RARB: variants seen among roughly 807,000 people sequenced by gnomAD.
RARB encodes the protein HBV-activated protein.
Under a neutral mutation model 51.9 loss-of-function variants are expected in RARB, and 17 were observed. That is an observed-to-expected ratio of 0.33 (90% CI 0.22 to 0.49). The LOEUF (loss-of-function observed/expected upper bound fraction) is 0.49, where lower values mean the gene tolerates loss of function less well. RARB is among the 20% of genes least tolerant of loss of function. The pLI is 0.99. For synonymous variants in RARB, 215 were observed against 195.4 expected (o/e 1.10, Z -0.84); for missense variants, 369 against 550.8 (o/e 0.67, Z 3.30).
chr3:25,087,226 A>G (rs1028761937), intron 3 of RARB, among the ~76,000 whole-genome samples: 1 of 152,136 alleles, frequency 6.6e-6, no homozygotes, highest in African/African-American at 2.4e-5. Context: ...CTGACCACCT[A>G]TTCCTTTCAT....
At chr3:24,831,711 C>A (rs1293705817) in intron 1 of RARB, among the ~76,000 whole-genome samples, 1 of 151,726 alleles carries the variant, frequency 6.6e-6, no homozygotes, top group Non-Finnish European at 1.5e-5. Flanking sequence ...GGGTTAGAAA[C>A]TGTTGCAAAT....
At chr3:25,462,541 G>C (rs1399769318) in intron 2 of RARB, 1 of 152,150 alleles carries the variant, frequency 6.6e-6, no homozygotes, top group African/African-American at 2.4e-5. Flanking sequence ...TTTATATTTG[G>C]CTTAGCAGAG....
chr3:24,900,432 A>G (rs1265631871), intron 2 of RARB, among the ~76,000 whole-genome samples: 1 of 152,218 alleles, frequency 6.6e-6, no homozygotes, highest in African/African-American at 2.4e-5. Context: ...TCATTCCCTT[A>G]ATGAACCTTT....
At chr3:25,534,845 T>A (rs1246626548) in intron 3 of RARB, among the ~76,000 whole-genome samples, 1 of 152,144 alleles carries the variant, frequency 6.6e-6, no homozygotes, top group Non-Finnish European at 1.5e-5. Flanking sequence ...CTGGAAGAAG[T>A]TCCAGCTTCT....
chr3:25,567,533 C>G (rs903767154), intron 3 of RARB, among the ~76,000 whole-genome samples: 1 of 152,198 alleles, frequency 6.6e-6, no homozygotes, highest in Admixed American at 6.5e-5. Context: ...CTAGATTCCA[C>G]TTCCCCGTCA....
intron 5 of RARB, among the ~76,000 whole-genome samples, chr3:25,258,534 C>G (rs1025460185): frequency 4.6e-5 from 7 of 152,024 alleles, no homozygotes; most frequent in Non-Finnish European, 8.8e-5. Flanking sequence ...TGGTCCTCAG[C>G]CCAGGGGAGT....
chr3:25,061,438 C>A (rs1042376448), intron 3 of RARB, among the ~76,000 whole-genome samples: 2 of 151,758 alleles, frequency 1.3e-5, no homozygotes, highest in African/African-American at 4.8e-5. Flanking sequence ...AACAGAATTT[C>A]TATAGCAGTT....
At chr3:25,576,008 A>G (rs1700912541) in intron 4 of RARB, among the ~76,000 whole-genome samples, 1 of 152,132 alleles carries the variant, frequency 6.6e-6, no homozygotes, top group South Asian at 2.1e-4. Context: ...TGATCTTTTG[A>G]AGAAAAATGT....
chr3:25,428,864 T>C lies in RARB; in HGVS notation c.133T>C (p.Trp45Arg). ...CTTCAGTGGATTGACCCAAACCGAA[T>C]GGCAGCATCGGCACACTGCTCAATG... Reference protein sequence around the residue: ...ACFSGLTQTEWQHRHTAQSIE... With the variant: ...ACFSGLTQTERQHRHTAQSIE... The change falls in exon 1 of 8, where the codon TGG (tryptophan) becomes CGG (arginine). Residue 45 changes from tryptophan (W) to arginine (R), a missense_variant. Around this residue, in one of 9 missense-constraint regions of RARB, gnomAD observed 99 missense variants for 95.1 expected, o/e 1.04. Transcript: ENST00000330688. 6.2e-7 allele frequency: 1 copy of C among 1,613,040 alleles called. No homozygotes were observed. The highest frequency in any genetic ancestry group is 8.5e-7 in the Non-Finnish European group (1 of 1,179,098).
intron 2 of RARB, among the ~76,000 whole-genome samples, chr3:25,485,877 A>G (rs13072006): frequency 0.47 from 71,968 of 151,862 alleles, 18,643 homozygotes; most frequent in South Asian, 0.63. Context: ...TTCTGGGGAT[A>G]ATTGCTGGAA....
At chr3:25,555,359 G>A (rs1003390519) in intron 3 of RARB, among the ~76,000 whole-genome samples, 11 of 152,064 alleles carry the variant, frequency 7.2e-5, no homozygotes, top group Admixed American at 2.0e-4. Flanking sequence ...TCTTCCCTGC[G>A]TTGTTTTTCT....
At chr3:25,395,488 A>G (rs1707088990) in intron 5 of RARB, among the ~76,000 whole-genome samples, 3 of 152,194 alleles carry the variant, frequency 2.0e-5, no homozygotes, top group South Asian at 2.1e-4. Context: ...TATTCCCTCA[A>G]AGAAGTTTTC....
Position 25,430,054 on chromosome 3 carries a change from C to G in RARB, c.157+1166C>G, listed in dbSNP as rs7639075. On this transcript the variant is annotated intron_variant, in intron 1 of 7. Transcript: ENST00000330688. ...AATGACAGGATTTAAATTGCCCTCT[C>G]TGAAACTTTTTCTTAAGAATAAAGA... Among the ~76,000 whole-genome samples, 413 of 152,300 alleles carry G rather than the reference C, an allele frequency of 2.7e-3. 2 individuals carry two copies. Among genetic ancestry groups the G allele is most frequent in the African/African-American group, 9.6e-3 (401 of 41,564 alleles).
chr3:25,472,874 T>G (rs970802018), intron 2 of RARB, among the ~76,000 whole-genome samples: 1 of 152,154 alleles, frequency 6.6e-6, no homozygotes, highest in African/African-American at 2.4e-5. Flanking sequence ...TAGACAAAAT[T>G]ACCCCAGAAA....
intron 2 of RARB, among the ~76,000 whole-genome samples, chr3:24,943,473 A>G (rs966824196): frequency 6.6e-6 from 1 of 152,222 alleles, no homozygotes; most frequent in Non-Finnish European, 1.5e-5. Context: ...ATTGTGGGCC[A>G]TATGTTAGCA....
At chr3:25,155,316 T>G (rs371926548) in intron 4 of RARB, among the ~76,000 whole-genome samples, 7 of 152,196 alleles carry the variant, frequency 4.6e-5, no homozygotes, top group African/African-American at 1.7e-4. Flanking sequence ...TAAACTTTAT[T>G]TGCATTGCAT....
chr3:25,278,491 G>T (rs1703445366), intron 5 of RARB, among the ~76,000 whole-genome samples: 1 of 152,140 alleles, frequency 6.6e-6, no homozygotes, highest in Non-Finnish European at 1.5e-5. Flanking sequence ...CTAGGTCAAG[G>T]TACATAGGTA....
At chr3:25,302,883 A>G (rs1704074142) in intron 5 of RARB, among the ~76,000 whole-genome samples, 1 of 152,216 alleles carries the variant, frequency 6.6e-6, no homozygotes, top group South Asian at 2.1e-4. Flanking sequence ...TTGGATGTTA[A>G]AGTGCTATTC....
intron 2 of RARB, among the ~76,000 whole-genome samples, chr3:24,887,235 C>T (rs568168208): frequency 5.1e-4 from 78 of 152,106 alleles, no homozygotes; most frequent in Non-Finnish European, 8.4e-4. Context: ...TTCAAGGCGG[C>T]GGGGTGGAGA....
Sources: allele counts gnomAD v4.1 joint callset (sites outside exome capture counted in the v4.1 genomes callset), GRCh38; gene constraint gnomAD v4.1.1; regional missense constraint gnomAD v4.1.1; transcripts MANE v1.5; gene names NCBI Gene and HGNC (gene_info 2026-07-23, HGNC 2026-07-21).